Variants in RASSF2 observed in about 807,000 individuals in gnomAD.
The protein encoded by RASSF2 is ras association domain-containing protein 2.
A neutral mutation model predicts 46.3 loss-of-function variants in RASSF2; 34 were observed. The observed-to-expected ratio is 0.73, with a 90% confidence interval of 0.56 to 0.98. The LOEUF (loss-of-function observed/expected upper bound fraction) is 0.98. RASSF2 is among the 50% of genes least tolerant of loss of function. The pLI, the probability that RASSF2 is intolerant of heterozygous loss-of-function variation, is 0.00. For synonymous variants in RASSF2, 158 were observed against 162.5 expected, an observed-to-expected ratio of 0.97 and a Z score of 0.21; for missense variants, 364 against 431.2, an observed-to-expected ratio of 0.84 and a Z score of 1.38.
intron 4 of RASSF2, 138 bp from the exon 5 acceptor site, chr20:4,796,104 GC>G: frequency 2.4e-6 from 2 of 848,774 alleles, no homozygotes; most frequent in Non-Finnish European, 3.3e-6. Flanking sequence ...AGGGGCAGCT[GC>G]CCAGTTCACA....
chr20:4,789,059 CCTGGTCTCCAAAAGATCT>C (rs1925621358), intron 8 of RASSF2, among the ~76,000 whole-genome samples: 1 of 152,168 alleles, frequency 6.6e-6, no homozygotes, highest in South Asian at 2.1e-4. Context: ...AATAAGAACA[CCTGGTCTCCAAAAGATCT>C]CTGGTCTCCA....
At chr20:4,814,558 C>T (rs934128499) in intron 2 of RASSF2, among the ~76,000 whole-genome samples, 2 of 152,178 alleles carry the variant, frequency 1.3e-5, no homozygotes, top group East Asian at 1.9e-4. Context: ...TGGCCTCCTC[C>T]ACCCCCAGAC....
rs527313728 is a variant in RASSF2 at position 4,782,498 on chromosome 20, A to G, written c.*1775T>C. 2 of 152,530 alleles carry G rather than the reference A, an allele frequency of 1.3e-5. No individual in the cohort carries two copies. The highest frequency in any genetic ancestry group is 1.3e-4 in the Admixed American group (2 of 15,280). 9.4% of individuals were successfully genotyped at this position (152,530 alleles called of 1,614,324 possible). ...CTTGCAGAAGCCCTTCTGGGCTTCC[A>G]CTCCATGCCCCACAGGGCTGGTGCT... On this transcript the variant is annotated 3_prime_UTR_variant, in exon 12 of 12. Coordinates refer to ENST00000379400, the MANE Select transcript of RASSF2 (RefSeq NM_014737.3).
At chr20:4,797,879 C>T in intron 4 of RASSF2, 131 bp downstream of exon 4, 1 of 1,426,660 alleles carries the variant, frequency 7.0e-7, no homozygotes, top group Non-Finnish European at 9.3e-7. Flanking sequence ...ACCCCAAGGA[C>T]TCTCACTAGC....
chr20:4,786,871 G>A (rs1031736858), intron 10 of RASSF2, among the ~76,000 whole-genome samples: 3 of 151,960 alleles, frequency 2.0e-5, no homozygotes, highest in Non-Finnish European at 4.4e-5. Flanking sequence ...ATCACTTGAG[G>A]TCAAGAGTTC....
intron 3 of RASSF2, among the ~76,000 whole-genome samples, chr20:4,798,923 T>C (rs6037970): frequency 0.16 from 24,228 of 149,388 alleles, 2,072 homozygotes; most frequent in African/African-American, 0.2. Context: ...CAACGGAAAA[T>C]TATCAGCGAA....
chr20:4,786,568 A>G (rs1925359188), intron 10 of RASSF2, among the ~76,000 whole-genome samples: 1 of 152,192 alleles, frequency 6.6e-6, no homozygotes, highest in Admixed American at 6.5e-5. Flanking sequence ...CATGCATTCA[A>G]TTCATGATGA....
intron 2 of RASSF2, among the ~76,000 whole-genome samples, chr20:4,816,964 G>A (rs1329615595): frequency 6.6e-6 from 1 of 152,096 alleles, no homozygotes; most frequent in Admixed American, 6.5e-5. Flanking sequence ...AATTAGCCTG[G>A]CGTGGTGGTG....
chr20:4,784,825 CA>C, intron 11 of RASSF2, among the ~76,000 whole-genome samples: 1 of 152,140 alleles, frequency 6.6e-6, no homozygotes, highest in South Asian at 2.1e-4. Context: ...ACAGAACCTG[CA>C]TTTTGCAGAA....
intron 2 of RASSF2, among the ~76,000 whole-genome samples, chr20:4,802,357 G>C (rs1926943459): frequency 6.6e-6 from 1 of 152,244 alleles, no homozygotes; most frequent in Non-Finnish European, 1.5e-5. Context: ...ACTGTCGACA[G>C]ACACTACTAA....
intron 5 of RASSF2, among the ~76,000 whole-genome samples, chr20:4,793,556 T>G (rs1444231961): frequency 6.6e-6 from 1 of 152,196 alleles, no homozygotes; most frequent in Non-Finnish European, 1.5e-5. Context: ...GGTGAACACT[T>G]GGCACCCAGA....
intron 2 of RASSF2, among the ~76,000 whole-genome samples, chr20:4,805,398 C>T (rs1250172540): frequency 6.6e-6 from 1 of 152,096 alleles, no homozygotes; most frequent in Non-Finnish European, 1.5e-5. Flanking sequence ...TTGAAGGCAG[C>T]TCACAAGCTG....
At chr20:4,791,942 A>T (rs1257290718) in intron 6 of RASSF2, among the ~76,000 whole-genome samples, 1 of 152,210 alleles carries the variant, frequency 6.6e-6, no homozygotes, top group Non-Finnish European at 1.5e-5. Context: ...CACTTGTATA[A>T]CTAGGGGAAG....
chr20:4,822,971 G>A (rs1399786253), intron 1 of RASSF2, among the ~76,000 whole-genome samples: 1 of 152,142 alleles, frequency 6.6e-6, no homozygotes, highest in Non-Finnish European at 1.5e-5. Context: ...CCCATCGCGG[G>A]CTCAAAAAGA....
chr20:4,802,880 G>A (rs1384846165), intron 2 of RASSF2, among the ~76,000 whole-genome samples: 1 of 106,458 alleles, frequency 9.4e-6, no homozygotes, highest in Non-Finnish European at 1.9e-5. Flanking sequence ...GTATGTGTGT[G>A]TGTATATATA....
chr20:4,813,825 G>A (rs984587358), intron 2 of RASSF2, among the ~76,000 whole-genome samples: 5 of 152,034 alleles, frequency 3.3e-5, no homozygotes, highest in Non-Finnish European at 7.4e-5. Context: ...GGGGTGGTGT[G>A]TATGGCTGTG....
intron 5 of RASSF2, among the ~76,000 whole-genome samples, chr20:4,793,632 C>T (rs1926090068): frequency 6.6e-6 from 1 of 151,782 alleles, no homozygotes; most frequent in Non-Finnish European, 1.5e-5. Context: ...GTCTCAGCAT[C>T]CTTATTTTTT....
At chr20:4,796,402 G>C (rs1398418898) in intron 4 of RASSF2, among the ~76,000 whole-genome samples, 3 of 152,186 alleles carry the variant, frequency 2.0e-5, no homozygotes, top group Non-Finnish European at 4.4e-5. Context: ...ATCCAACCTG[G>C]TGGTTGAAGG....
At chr20:4,801,181 C>G in intron 2 of RASSF2, 119 bp from the exon 3 acceptor site, 1 of 703,774 alleles carries the variant, frequency 1.4e-6, no homozygotes, top group South Asian at 1.7e-5. Context: ...TCCTCCCCAC[C>G]CAGATCCACA....
Sources: gnomAD v4.1 joint callset for allele counts (sites outside exome capture counted in the v4.1 genomes callset) on GRCh38, gnomAD v4.1.1 for gene constraint, MANE v1.5 for transcripts, NCBI Gene and HGNC (gene_info 2026-07-23, HGNC 2026-07-21) for gene names.